The following MCU variants were observed in gnomAD, a reference collection of about 807,000 sequenced individuals.
MCU encodes the protein mitochondrial calcium uniporter.
MCU carries 12 observed loss-of-function variants against 45.2 expected under a neutral mutation model. The ratio of observed to expected loss-of-function variants is 0.27; its 90% CI spans 0.17 to 0.43. The LOEUF (loss-of-function observed/expected upper bound fraction) is 0.43. Ranked by LOEUF, MCU falls within the 20% of genes least tolerant of loss-of-function variation. The probability of loss-of-function intolerance (pLI) is 1.00; values close to 1 mark genes in which losing one functional copy is unlikely to be tolerated. For missense variants in MCU, 324 were observed against 436.7 expected, an observed-to-expected ratio of 0.74 and a Z score of 2.30; for synonymous variants, 160 against 165.1, an observed-to-expected ratio of 0.97 and a Z score of 0.24.
At chr10:72,729,975 T>C (rs1366541121) in intron 1 of MCU, among the ~76,000 whole-genome samples, 13 of 107,220 alleles carry the variant, frequency 1.2e-4, no homozygotes, top group East Asian at 6.0e-4. Flanking sequence ...TTTTTTTTTT[T>C]CGAGACAGTG....
intron 1 of MCU, among the ~76,000 whole-genome samples, chr10:72,748,493 T>C (rs2097339317): frequency 6.6e-6 from 1 of 152,212 alleles, no homozygotes; most frequent in South Asian, 2.1e-4. Flanking sequence ...ACTTTTTTCC[T>C]GTCTAGTGAA....
chr10:72,733,991 G>T (rs578236420), intron 1 of MCU, among the ~76,000 whole-genome samples: 3 of 152,004 alleles, frequency 2.0e-5, no homozygotes, highest in African/African-American at 7.2e-5. Flanking sequence ...GTCCAAGAAG[G>T]AAAGAAAAAC....
chr10:72,693,603 AG>A (rs1162234572), intron 1 of MCU, among the ~76,000 whole-genome samples: 1 of 152,234 alleles, frequency 6.6e-6, no homozygotes, highest in Non-Finnish European at 1.5e-5. Context: ...GCTCTGCAAA[AG>A]CAAGGTTGTA....
intron 7 of MCU, among the ~76,000 whole-genome samples, chr10:72,884,711 G>T (rs1324708100): frequency 1.5e-5 from 2 of 134,084 alleles, no homozygotes; most frequent in African/African-American, 5.6e-5. Flanking sequence ...TCTGCTTTTT[G>T]ATTATTTCTG....
intron 1 of MCU, chr10:72,766,489 A>G (rs1179301629): frequency 6.6e-6 from 1 of 152,222 alleles, no homozygotes; most frequent in Admixed American, 6.5e-5. Flanking sequence ...CATTGAAGTC[A>G]TGAATTAGAA....
intron 4 of MCU, among the ~76,000 whole-genome samples, chr10:72,867,112 A>C (rs1845469100): frequency 1.3e-5 from 2 of 150,386 alleles, no homozygotes. Context: ...CTCTTCTCTA[A>C]TCCAATTTGC....
intron 1 of MCU, among the ~76,000 whole-genome samples, chr10:72,797,907 T>C (rs751625422): frequency 6.6e-6 from 1 of 152,160 alleles, no homozygotes; most frequent in Non-Finnish European, 1.5e-5. Flanking sequence ...ATATTCATAA[T>C]TGTTCCATCT....
intron 1 of MCU, among the ~76,000 whole-genome samples, chr10:72,810,681 GAC>G (rs1844529775): frequency 6.6e-6 from 1 of 150,798 alleles, no homozygotes; most frequent in African/African-American, 2.4e-5. Context: ...TTTTAGTAGA[GAC>G]AGGGTTTCAC....
At chr10:72,716,484 C>T (rs1190835864) in intron 1 of MCU, among the ~76,000 whole-genome samples, 1 of 152,116 alleles carries the variant, frequency 6.6e-6, no homozygotes, top group Non-Finnish European at 1.5e-5. Context: ...TTCATTTATT[C>T]TCTGTCTTTC....
At chr10:72,831,415 G>A (rs373989953) in intron 1 of MCU, among the ~76,000 whole-genome samples, 1 of 152,040 alleles carries the variant, frequency 6.6e-6, no homozygotes, top group African/African-American at 2.4e-5. Flanking sequence ...CATTGCTGAC[G>A]ATAGAGATAG....
intron 2 of MCU, among the ~76,000 whole-genome samples, chr10:72,854,724 C>G (rs1458084111): frequency 6.6e-6 from 1 of 152,164 alleles, no homozygotes; most frequent in Non-Finnish European, 1.5e-5. Context: ...TGGCGACCCC[C>G]TAACCTACAG....
At chr10:72,846,045 TAAAC>T (rs1450097594) in intron 2 of MCU, among the ~76,000 whole-genome samples, 5 of 151,912 alleles carry the variant, frequency 3.3e-5, no homozygotes, top group African/African-American at 9.7e-5. Flanking sequence ...ATTCCAGAAA[TAAAC>T]AATTTTTTTT....
At chr10:72,774,452 G>C (rs762532705) in intron 1 of MCU, among the ~76,000 whole-genome samples, 2 of 151,986 alleles carry the variant, frequency 1.3e-5, no homozygotes, top group Non-Finnish European at 2.9e-5. Flanking sequence ...AGATTACTAG[G>C]GAAAGTCACT....
chr10:72,693,609 G>A (rs978903839), intron 1 of MCU, among the ~76,000 whole-genome samples: 8 of 152,154 alleles, frequency 5.3e-5, no homozygotes, highest in Non-Finnish European at 8.8e-5. Flanking sequence ...CAAAAGCAAG[G>A]TTGTATTGTT....
intron 1 of MCU, among the ~76,000 whole-genome samples, chr10:72,768,088 G>A (rs1843753405): frequency 6.6e-6 from 1 of 151,244 alleles, no homozygotes; most frequent in Non-Finnish European, 1.5e-5. Flanking sequence ...ACAACGAGCA[G>A]TTATCTTTGA....
chr10:72,723,554 A>G (rs1380324708), intron 1 of MCU, among the ~76,000 whole-genome samples: 1 of 152,216 alleles, frequency 6.6e-6, no homozygotes, highest in East Asian at 1.9e-4. Flanking sequence ...ATCTTTATAT[A>G]CAACATAAAA....
At chr10:72,853,944 G>A (rs1845248122) in intron 2 of MCU, among the ~76,000 whole-genome samples, 1 of 152,070 alleles carries the variant, frequency 6.6e-6, no homozygotes, top group Admixed American at 6.6e-5. Context: ...GAACAGCCTG[G>A]CCAACGTGGT....
chr10:72,748,398 G>A (rs77769392), intron 1 of MCU, among the ~76,000 whole-genome samples: 2,154 of 152,308 alleles, frequency 0.014, 20 homozygotes, highest in Middle Eastern at 0.041. Flanking sequence ...TCAGTAGAGC[G>A]TGTAACTGTC....
chr10:72,819,858 A>T (rs900892348), intron 1 of MCU, among the ~76,000 whole-genome samples: 19 of 149,892 alleles, frequency 1.3e-4, no homozygotes, highest in African/African-American at 4.7e-4. Flanking sequence ...CAATAAATTT[A>T]TCTTAGTTGA....
Sources: allele counts gnomAD v4.1 joint callset (sites outside exome capture counted in the v4.1 genomes callset), GRCh38; gene constraint gnomAD v4.1.1; transcripts MANE v1.5; gene names NCBI Gene and HGNC (gene_info 2026-07-23, HGNC 2026-07-21).